The following FRMPD1 variants were observed in gnomAD, a reference collection of about 807,000 sequenced individuals.
FRMPD1 encodes FERM and PDZ domain-containing protein 1.
FRMPD1 carries 76 observed loss-of-function variants against 117.8 expected under a neutral mutation model. That is an observed-to-expected ratio of 0.65 (90% CI 0.54 to 0.78). FRMPD1 has a LOEUF of 0.78. Ranked by LOEUF, FRMPD1 falls within the 30% of genes least tolerant of loss-of-function variation. FRMPD1 has a pLI of 0.00. For synonymous variants in FRMPD1, 783 were observed against 770.4 expected (o/e 1.02, Z -0.27); for missense variants, 1,786 against 1,964.5 (o/e 0.91, Z 1.72).
chr9:37,717,151 C>T (rs1182906020), intron 5 of FRMPD1, among the ~76,000 whole-genome samples: 1 of 151,680 alleles, frequency 6.6e-6, no homozygotes, highest in African/African-American at 2.4e-5. Context: ...TCCATAGAAC[C>T]CTGGTCTACC....
At chr9:37,729,477 TG>T (rs954997303) in intron 7 of FRMPD1, among the ~76,000 whole-genome samples, 1 of 149,606 alleles carries the variant, frequency 6.7e-6, no homozygotes. Flanking sequence ...AAACCTCCAC[TG>T]GATGGCTTCA....
At chr9:37,702,919 G>C (rs1822583793) in intron 2 of FRMPD1, among the ~76,000 whole-genome samples, 1 of 152,052 alleles carries the variant, frequency 6.6e-6, no homozygotes. Context: ...ATTCCCTATC[G>C]GGTTGTTTTG....
chr9:37,669,579 G>A (rs1391442719), intron 1 of FRMPD1, among the ~76,000 whole-genome samples: 2 of 152,146 alleles, frequency 1.3e-5, no homozygotes, highest in Admixed American at 6.5e-5. Context: ...TTTCTTTACC[G>A]AAGAGAGAGT....
the FRMPD1 span, among the ~76,000 whole-genome samples, chr9:37,623,755 G>A: frequency 6.6e-6 from 1 of 152,140 alleles, no homozygotes; most frequent in Admixed American, 6.5e-5. Flanking sequence ...TTGAAGGTAG[G>A]AGGCTTTAGA....
At chr9:37,677,126 C>G (rs1054272710) in intron 1 of FRMPD1, among the ~76,000 whole-genome samples, 1 of 152,134 alleles carries the variant, frequency 6.6e-6, no homozygotes, top group Non-Finnish European at 1.5e-5. Flanking sequence ...GCCCGCAAAC[C>G]CATGGCCAGC....
intron 15 of FRMPD1, among the ~76,000 whole-genome samples, chr9:37,744,001 C>T (rs1824553060): frequency 6.6e-6 from 1 of 151,890 alleles, no homozygotes; most frequent in African/African-American, 2.4e-5. Context: ...CCACCCTGAC[C>T]AATATGGTGA....
At chr9:37,666,152 G>T (rs1821153678) in intron 1 of FRMPD1, among the ~76,000 whole-genome samples, 1 of 152,086 alleles carries the variant, frequency 6.6e-6, no homozygotes, top group South Asian at 2.1e-4. Context: ...TAGGTAGTAG[G>T]AGTTCTCCTG....
intron 1 of FRMPD1, among the ~76,000 whole-genome samples, chr9:37,680,057 A>G (rs968075472): frequency 3.3e-5 from 5 of 152,282 alleles, no homozygotes; most frequent in Non-Finnish European, 7.4e-5. Context: ...CCAGTCTTCT[A>G]CTAGGAGTGG....
chr9:37,638,482 T>G, the FRMPD1 span, among the ~76,000 whole-genome samples: 1 of 152,180 alleles, frequency 6.6e-6, no homozygotes, highest in East Asian at 1.9e-4. Context: ...TGTCTGATTA[T>G]AAAACTCTGC....
At position 37,729,807 on chromosome 9, in the gene FRMPD1, G is replaced by C. The variant is rs756658551; in HGVS notation, c.692G>C (p.Ser231Thr). The C allele has an allele frequency of 1.2e-6, 2 of 1,614,010 alleles. No homozygotes were observed. The highest frequency in any genetic ancestry group is 4.5e-5 in the East Asian group (2 of 44,890). The change falls in exon 8 of 16, where the codon AGC (serine) becomes ACC (threonine). Residue 231 changes from serine (S) to threonine (T), a missense_variant. Coordinates refer to ENST00000377765, the MANE Select transcript of FRMPD1 (RefSeq NM_014907.3). ...YFALALEEQY[S>T]ISRLHLLHEE... ...GCACTGGCCCTGGAAGAGCAGTACA[G>C]CATCTCCCGGCTGCACCTGCTGCAC...
At position 37,711,396 on chromosome 9, in the gene FRMPD1, G is replaced by A. The variant is rs1432686617; in HGVS notation, c.408+1G>A. ...AATCACAGTTGTTCGCTGCACGTCG[G>A]TAAATCTCTTTCTATGTCCTGTGTG... On this transcript the variant is annotated splice_donor_variant, in intron 5 of 15. Transcript: ENST00000377765. LOFTEE classifies it high-confidence loss of function. The A allele has an allele frequency of 6.2e-7, 1 of 1,602,214 alleles. No individual in the cohort carries two copies. Among genetic ancestry groups the A allele is most frequent in the Admixed American group, 1.7e-5 (1 of 60,002 alleles).
At chr9:37,603,738 G>T in the FRMPD1 span, among the ~76,000 whole-genome samples, 2 of 152,096 alleles carry the variant, frequency 1.3e-5, no homozygotes, top group Non-Finnish European at 2.9e-5. Flanking sequence ...GAGTGCAATG[G>T]TGCAATCTCA....
intron 1 of FRMPD1, among the ~76,000 whole-genome samples, chr9:37,685,462 T>C (rs896763053): frequency 1.3e-4 from 19 of 151,244 alleles, no homozygotes; most frequent in South Asian, 1.0e-3. Flanking sequence ...GCTAACACGG[T>C]GAAACCCTGT....
rs376647449 is a variant in FRMPD1 at position 37,746,414 on chromosome 9, G to A, written c.4382G>A (p.Arg1461His). 8.4e-5 allele frequency: 136 copies of A among 1,613,238 alleles called. No homozygotes were observed. Among genetic ancestry groups the A allele is most frequent in the African/African-American group, 7.7e-4 (58 of 74,940 alleles). Residue 1461 changes from arginine (R) to histidine (H), a missense_variant, in exon 16 of 16, where the codon CGC (arginine) becomes CAC (histidine). Coordinates refer to ENST00000377765, the MANE Select transcript of FRMPD1 (RefSeq NM_014907.3). ...CTWHFTESRS[R>H]LCMGSQKLLS... Reference sequence around the variant, plus strand: ...TGGCACTTTACCGAAAGCCGGAGCCGCCTCTGCATGGGCTCCCAGAAGCTC... The same window carrying A: ...TGGCACTTTACCGAAAGCCGGAGCCACCTCTGCATGGGCTCCCAGAAGCTC...
At chr9:37,621,526 G>A in the FRMPD1 span, among the ~76,000 whole-genome samples, 4 of 152,168 alleles carry the variant, frequency 2.6e-5, no homozygotes, top group Non-Finnish European at 5.9e-5. Context: ...CCTCACTTCA[G>A]CAGGACCACT....
At chr9:37,650,933 C>G (rs949802704), upstream of FRMPD1, 30 of 150,208 alleles carry the variant, frequency 2.0e-4, no homozygotes, top group Non-Finnish European at 2.7e-4. Flanking sequence ...CCAACCCCTC[C>G]GGCTGCAGCC....
At chr9:37,618,904 G>A in the FRMPD1 span, among the ~76,000 whole-genome samples, 1 of 152,210 alleles carries the variant, frequency 6.6e-6, no homozygotes, top group Non-Finnish European at 1.5e-5. Flanking sequence ...CTGTGTCCAT[G>A]TCATCCTCTG....
intron 1 of FRMPD1, among the ~76,000 whole-genome samples, chr9:37,654,445 C>A (rs1222360514): frequency 2.0e-5 from 3 of 152,190 alleles, no homozygotes; most frequent in Non-Finnish European, 4.4e-5. Flanking sequence ...GGGGCCACAC[C>A]ACCTGGATTT....
chr9:37,658,925 G>A (rs1472338477), intron 1 of FRMPD1, among the ~76,000 whole-genome samples: 1 of 152,068 alleles, frequency 6.6e-6, no homozygotes, highest in Non-Finnish European at 1.5e-5. Context: ...GGAGTGCAGT[G>A]GCATGATCAA....
Sources: allele counts gnomAD v4.1 joint callset (sites outside exome capture counted in the v4.1 genomes callset), GRCh38; gene constraint gnomAD v4.1.1; transcripts MANE v1.5; gene names NCBI Gene and HGNC (gene_info 2026-07-23, HGNC 2026-07-21).